Variants in TASP1 observed in about 807,000 individuals in gnomAD.
TASP1 encodes taspase 1.
TASP1 carries 16 observed loss-of-function variants against 56.6 expected under a neutral mutation model. That is an observed-to-expected ratio of 0.28 (90% confidence interval 0.19 to 0.43). The LOEUF is 0.43. Among genes scored for constraint, TASP1 ranks in the 20% least tolerant of loss-of-function variants. TASP1 has a pLI of 1.00. For synonymous variants in TASP1, 179 were observed against 184.2 expected, an observed-to-expected ratio of 0.97 and a Z score of 0.23; for missense variants, 393 against 511.6, an observed-to-expected ratio of 0.77 and a Z score of 2.24.
At position 13,410,170 on chromosome 20, in the gene TASP1, G is replaced by A. The variant is rs1600708025; in HGVS notation, c.1170+7278C>T. Among the ~76,000 whole-genome samples, 4 of 152,200 alleles carry A rather than the reference G, an allele frequency of 2.6e-5. No homozygotes were observed. In the East Asian group the frequency reaches 7.7e-4, roughly 29 times the overall value. On this transcript the variant is annotated intron_variant, in intron 13 of 13. Transcript: ENST00000337743. ...ATGACATGATTTCATTCTTTAATAT[G>A]CCCAATAGTATTCCATTGTGTATAC...
the TASP1 span, among the ~76,000 whole-genome samples, chr20:13,118,858 C>A: frequency 3.3e-5 from 5 of 152,250 alleles, no homozygotes; most frequent in African/African-American, 1.2e-4. Context: ...AGATTTAATT[C>A]TGGCCACTGG....
At chr20:13,240,573 G>GA in the TASP1 span, among the ~76,000 whole-genome samples, 1 of 152,316 alleles carries the variant, frequency 6.6e-6, no homozygotes, top group East Asian at 1.9e-4. Context: ...TGAACTTGCA[G>GA]AAAAAAGCAA....
the TASP1 span, among the ~76,000 whole-genome samples, chr20:13,233,024 C>CAA: frequency 4.1e-3 from 589 of 142,266 alleles, 2 homozygotes; most frequent in African/African-American, 0.012. Context: ...GATGCTGGAC[C>CAA]AAAAAAAAAA....
chr20:13,255,188 AGGT>A, the TASP1 span, among the ~76,000 whole-genome samples: 1 of 152,206 alleles, frequency 6.6e-6, no homozygotes, highest in Non-Finnish European at 1.5e-5. Flanking sequence ...CTCTCTCTGG[AGGT>A]GACATTTAAG....
intron 11 of TASP1, among the ~76,000 whole-genome samples, chr20:13,469,089 C>A: frequency 6.6e-6 from 1 of 152,058 alleles, no homozygotes; most frequent in East Asian, 1.9e-4. Flanking sequence ...CTCTTTTTAA[C>A]GTAACGCAAG....
the TASP1 span, among the ~76,000 whole-genome samples, chr20:13,113,958 G>A: frequency 3.9e-5 from 6 of 152,312 alleles, no homozygotes; most frequent in African/African-American, 1.2e-4. Flanking sequence ...AAGTATTCCT[G>A]AAGTTATTGT....
At chr20:13,547,632 TG>T (rs2045853857) in intron 8 of TASP1, among the ~76,000 whole-genome samples, 1 of 152,062 alleles carries the variant, frequency 6.6e-6, no homozygotes, top group Non-Finnish European at 1.5e-5. Flanking sequence ...ACAAAACCAA[TG>T]CAGGTATTTT....
the TASP1 span, among the ~76,000 whole-genome samples, chr20:13,170,861 T>G: frequency 6.6e-6 from 1 of 152,098 alleles, no homozygotes; most frequent in African/African-American, 2.4e-5. Context: ...TGTGTGGGGT[T>G]TTTTCCCAGA....
At chr20:13,587,145 C>G (rs1189040064) in intron 5 of TASP1, 105 bp downstream of exon 5, 2 of 1,354,734 alleles carry the variant, frequency 1.5e-6, no homozygotes, top group African/African-American at 3.0e-5. Flanking sequence ...GTTTTAAACA[C>G]TATTCCAAGC....
intron 4 of TASP1, among the ~76,000 whole-genome samples, chr20:13,592,986 C>A (rs1234941872): frequency 1.3e-5 from 2 of 152,062 alleles, no homozygotes; most frequent in South Asian, 4.1e-4. Flanking sequence ...CCCAGTAATA[C>A]AAGACTAGTC....
At chr20:13,381,741 T>C in the TASP1 span, among the ~76,000 whole-genome samples, 3 of 152,208 alleles carry the variant, frequency 2.0e-5, no homozygotes, top group African/African-American at 7.2e-5. Flanking sequence ...TTTCTTATAG[T>C]CTGCCTCTCC....
At chr20:13,345,227 G>A in the TASP1 span, among the ~76,000 whole-genome samples, 1 of 152,192 alleles carries the variant, frequency 6.6e-6, no homozygotes, top group African/African-American at 2.4e-5. Flanking sequence ...TTTTACTTCT[G>A]TTTAGTCCTG....
the TASP1 span, among the ~76,000 whole-genome samples, chr20:13,254,327 G>A: frequency 6.6e-6 from 1 of 151,938 alleles, no homozygotes; most frequent in Non-Finnish European, 1.5e-5. Context: ...CTTTAAATAT[G>A]TGTATATATA....
At chr20:13,613,196 T>C (rs1304911017) in intron 4 of TASP1, among the ~76,000 whole-genome samples, 2 of 152,170 alleles carry the variant, frequency 1.3e-5, no homozygotes, top group African/African-American at 2.4e-5. Context: ...AGTTTTGGTA[T>C]AGTATTGATC....
the TASP1 span, among the ~76,000 whole-genome samples, chr20:13,250,735 C>G: frequency 2.2e-4 from 34 of 152,170 alleles, no homozygotes; most frequent in Admixed American, 2.0e-4. Context: ...GTCTTTGGAA[C>G]GGAGTAATTG....
the TASP1 span, among the ~76,000 whole-genome samples, chr20:13,218,719 G>A: frequency 4.6e-5 from 7 of 152,168 alleles, no homozygotes; most frequent in Non-Finnish European, 1.0e-4. Context: ...GTAAGCCCGT[G>A]TTCCCTAACT....
rs201626995 is a variant in TASP1 at position 13,506,068 on chromosome 20, AC to A, written c.874+22364del. On this transcript the variant is annotated intron_variant, in intron 10 of 13. Coordinates refer to ENST00000337743, the MANE Select transcript of TASP1 (RefSeq NM_017714.3). ...AATCATAAATGAAAAAAGACACATT[AC>A]AACTGATACCACAGAAATCCAAAAG... 7.9e-3 allele frequency among the ~76,000 whole-genome samples: 1,201 copies of A among 152,266 alleles called. 13 individuals are homozygous for A. The highest frequency in any genetic ancestry group is 0.028 in the African/African-American group (1,159 of 41,568).
the TASP1 span, among the ~76,000 whole-genome samples, chr20:13,179,406 CGTGTGTGTGT>C: frequency 1.4e-5 from 2 of 143,514 alleles, no homozygotes; most frequent in East Asian, 2.0e-4. Flanking sequence ...GAATTATGTG[CGTGTGTGTGT>C]GTGTGTGTGT....
At chr20:13,492,897 T>C (rs1328234218) in intron 10 of TASP1, among the ~76,000 whole-genome samples, 3 of 152,200 alleles carry the variant, frequency 2.0e-5, no homozygotes, top group Middle Eastern at 3.2e-3. Flanking sequence ...ATTTTTAATA[T>C]AGAGAAATAT....
Sources: gnomAD v4.1 joint callset for allele counts (sites outside exome capture counted in the v4.1 genomes callset) on GRCh38, gnomAD v4.1.1 for gene constraint, MANE v1.5 for transcripts, NCBI Gene and HGNC (gene_info 2026-07-23, HGNC 2026-07-21) for gene names.